MACROD2: variants seen among roughly 807,000 people sequenced by gnomAD.
MACROD2 encodes the protein mono-ADP ribosylhydrolase 2.
MACROD2 carries 36 observed loss-of-function variants against 70.4 expected under a neutral mutation model. That is an observed-to-expected ratio of 0.51 (90% CI 0.39 to 0.68). The LOEUF is 0.68. Among genes scored for constraint, MACROD2 ranks in the 30% least tolerant of loss-of-function variants. The probability of loss-of-function intolerance (pLI) is 0.00; values close to 1 mark genes in which losing one functional copy is unlikely to be tolerated. For synonymous variants in MACROD2, 172 were observed against 178.8 expected, an observed-to-expected ratio of 0.96 and a Z score of 0.30; for missense variants, 496 against 538.4, an observed-to-expected ratio of 0.92 and a Z score of 0.78.
chr20:14,230,215 T>C (rs2081788663), intron 3 of MACROD2, among the ~76,000 whole-genome samples: 1 of 152,108 alleles, frequency 6.6e-6, no homozygotes, highest in Admixed American at 6.5e-5. Flanking sequence ...GTGGTTAACT[T>C]ATCCTTTCAA....
At chr20:15,395,584 G>T (rs1048033768) in intron 6 of MACROD2, among the ~76,000 whole-genome samples, 1 of 152,180 alleles carries the variant, frequency 6.6e-6, no homozygotes, top group Non-Finnish European at 1.5e-5. Context: ...GCCACAGATA[G>T]TACATAAATG....
At chr20:16,037,462 C>T (rs1337803655) in intron 15 of MACROD2, among the ~76,000 whole-genome samples, 1 of 151,758 alleles carries the variant, frequency 6.6e-6, no homozygotes, top group African/African-American at 2.4e-5. Context: ...AACAAGGACC[C>T]TAAGAAAATA....
intron 15 of MACROD2, among the ~76,000 whole-genome samples, chr20:15,992,435 C>T (rs907654134): frequency 6.6e-6 from 1 of 152,228 alleles, no homozygotes; most frequent in East Asian, 1.9e-4. Context: ...TTCCTTTTTT[C>T]GTAAGCTGTC....
At chr20:15,373,016 C>T (rs948044436) in intron 6 of MACROD2, among the ~76,000 whole-genome samples, 2 of 152,126 alleles carry the variant, frequency 1.3e-5, no homozygotes, top group Admixed American at 6.6e-5. Context: ...CATGTGATCA[C>T]ACCACTGCAC....
chr20:14,579,077 A>G (rs1279144448), intron 4 of MACROD2, among the ~76,000 whole-genome samples: 1 of 151,908 alleles, frequency 6.6e-6, no homozygotes, highest in African/African-American at 2.4e-5. Flanking sequence ...GCCCATATTA[A>G]AAAACATAAC....
At chr20:15,678,012 C>A (rs973028953) in intron 8 of MACROD2, among the ~76,000 whole-genome samples, 3 of 151,920 alleles carry the variant, frequency 2.0e-5, no homozygotes, top group African/African-American at 7.3e-5. Context: ...TTGCAGTGAG[C>A]CAAGATCACG....
At position 14,515,467 on chromosome 20, in the gene MACROD2, A is replaced by ACG. The variant is rs1311985534; in HGVS notation, c.301+21960_301+21961insGC. Among the ~76,000 whole-genome samples, 48 of 114,192 alleles carry ACG rather than the reference A, an allele frequency of 4.2e-4. 1 individual carries two copies. The highest frequency in any genetic ancestry group is 1.3e-3 in the African/African-American group (41 of 31,922). The allele number at this position is 114,192 out of a possible 152,430, so 74.9% of individuals were successfully genotyped here. A position where few individuals can be genotyped will look rare whatever the true frequency, so the allele number is the denominator to read the frequency against. ...GAATATGTGAGATACACACACACGC[A>ACG]CACACACACACACACACACACACAC... On this transcript the variant is annotated intron_variant, in intron 4 of 17. Transcript: ENST00000684519.
intron 5 of MACROD2, among the ~76,000 whole-genome samples, chr20:14,918,868 A>G (rs942641585): frequency 6.6e-6 from 1 of 152,116 alleles, no homozygotes; most frequent in Non-Finnish European, 1.5e-5. Flanking sequence ...ACATTAAACA[A>G]TCAGCTGTAT....
intron 5 of MACROD2, among the ~76,000 whole-genome samples, chr20:14,734,174 T>TA (rs1471533034): frequency 6.6e-6 from 1 of 151,972 alleles, no homozygotes; most frequent in Non-Finnish European, 1.5e-5. Context: ...ACCTCACTCT[T>TA]ACAATGTCCA....
intron 4 of MACROD2, among the ~76,000 whole-genome samples, chr20:14,532,146 G>A (rs1466338825): frequency 2.0e-5 from 3 of 151,624 alleles, no homozygotes; most frequent in Non-Finnish European, 2.9e-5. Context: ...GCAGTATAAT[G>A]ATTTTAGTAC....
intron 16 of MACROD2, among the ~76,000 whole-genome samples, chr20:16,042,276 C>T (rs1274171637): frequency 1.3e-5 from 2 of 151,994 alleles, no homozygotes; most frequent in East Asian, 3.9e-4. Flanking sequence ...TTTTAAGCCC[C>T]AGACCCATCC....
chr20:14,886,645 C>A (rs1168893583), intron 5 of MACROD2, among the ~76,000 whole-genome samples: 1 of 152,092 alleles, frequency 6.6e-6, no homozygotes, highest in African/African-American at 2.4e-5. Flanking sequence ...GTGTTTTATT[C>A]CCTCCATCTA....
At chr20:15,666,263 CCT>C (rs1239191164) in intron 8 of MACROD2, among the ~76,000 whole-genome samples, 2 of 152,128 alleles carry the variant, frequency 1.3e-5, no homozygotes, top group African/African-American at 2.4e-5. Context: ...ATCTCCCAAC[CCT>C]CCGGCAACTC....
At chr20:15,888,458 G>A (rs928808685) in intron 10 of MACROD2, among the ~76,000 whole-genome samples, 3 of 152,098 alleles carry the variant, frequency 2.0e-5, no homozygotes, top group African/African-American at 7.2e-5. Flanking sequence ...TCTCGCCATG[G>A]ATCATTTGCC....
intron 5 of MACROD2, among the ~76,000 whole-genome samples, chr20:15,052,574 C>T (rs1445742093): frequency 1.3e-5 from 2 of 152,086 alleles, no homozygotes; most frequent in Admixed American, 1.3e-4. Context: ...CATAAAAGGT[C>T]ACAAACTTAA....
chr20:14,966,809 A>G (rs2074641458), intron 5 of MACROD2, among the ~76,000 whole-genome samples: 1 of 151,930 alleles, frequency 6.6e-6, no homozygotes, highest in Non-Finnish European at 1.5e-5. Flanking sequence ...GTAGTATGCC[A>G]TTGTATGTAC....
intron 5 of MACROD2, among the ~76,000 whole-genome samples, chr20:15,003,026 T>C (rs2122903874): frequency 6.6e-6 from 1 of 152,340 alleles, no homozygotes; most frequent in South Asian, 2.1e-4. Flanking sequence ...TTGGTTTTGC[T>C]AACAGTAATT....
In MACROD2 at chr20:14,733,437, A is replaced by G. The variant is rs142502180; in HGVS notation, c.418+48478A>G. Among the ~76,000 whole-genome samples, 259 of 152,276 alleles carry G rather than the reference A, an allele frequency of 1.7e-3. 2 individuals carry two copies. The highest frequency in any genetic ancestry group is 6.8e-3 in the Middle Eastern group (2 of 294). On this transcript the variant is annotated intron_variant, in intron 5 of 17. Transcript: ENST00000684519. The stretch of plus-strand genomic sequence containing the variant: ...AATCACAGAATATACATAAACATTT[A>G]TGTTGGTTAATTGTATGATAAAAAT...
chr20:14,951,911 C>T (rs2074479156), intron 5 of MACROD2, among the ~76,000 whole-genome samples: 1 of 140,510 alleles, frequency 7.1e-6, no homozygotes, highest in South Asian at 2.4e-4. Flanking sequence ...AGGGCAGCTT[C>T]TCCATTTTTT....
Sources: allele counts gnomAD v4.1 joint callset (sites outside exome capture counted in the v4.1 genomes callset), GRCh38; gene constraint gnomAD v4.1.1; transcripts MANE v1.5; gene names NCBI Gene and HGNC (gene_info 2026-07-23, HGNC 2026-07-21).